The following PHF21A variants were observed in gnomAD, a reference collection of about 807,000 sequenced individuals.
PHF21A encodes the protein BHC80a.
PHF21A carries 11 observed loss-of-function variants against 82.5 expected under a neutral mutation model. That is an observed-to-expected ratio of 0.13 (90% CI 0.08 to 0.22). The LOEUF (loss-of-function observed/expected upper bound fraction) is 0.22. Ranked by LOEUF, PHF21A falls within the 10% of genes least tolerant of loss-of-function variation. The pLI is 1.00. For synonymous variants in PHF21A, 297 were observed against 302.8 expected, an observed-to-expected ratio of 0.98 and a Z score of 0.20; for missense variants, 579 against 837.8, an observed-to-expected ratio of 0.69 and a Z score of 3.81.
chr11:46,006,882 G>A (rs1002726790), intron 6 of PHF21A, among the ~76,000 whole-genome samples: 2 of 152,128 alleles, frequency 1.3e-5, no homozygotes, highest in Non-Finnish European at 2.9e-5. Context: ...CTAACAATAT[G>A]TATTTTCAAA....
chr11:45,957,739 C>T (rs1475510334), intron 10 of PHF21A, among the ~76,000 whole-genome samples: 1 of 42,262 alleles, frequency 2.4e-5, no homozygotes, highest in South Asian at 6.9e-4. Flanking sequence ...AGAAAAAGAA[C>T]TAAATTCAAA....
At chr11:46,106,237 T>G (rs1359090867) in intron 1 of PHF21A, among the ~76,000 whole-genome samples, 2 of 152,252 alleles carry the variant, frequency 1.3e-5, no homozygotes, top group African/African-American at 4.8e-5. Context: ...AACTCCTGTT[T>G]TATTTCAATG....
chr11:46,081,453 G>A (rs886249107), intron 4 of PHF21A, among the ~76,000 whole-genome samples: 7 of 152,180 alleles, frequency 4.6e-5, no homozygotes, highest in African/African-American at 1.4e-4. Context: ...ACGCTGTAAC[G>A]TTTTAGAAGC....
intron 6 of PHF21A, among the ~76,000 whole-genome samples, chr11:46,043,723 C>G (rs1296243534): frequency 6.6e-6 from 1 of 152,066 alleles, no homozygotes; most frequent in East Asian, 1.9e-4. Context: ...AGTCAAGAAG[C>G]AAACATTCCA....
intron 4 of PHF21A, among the ~76,000 whole-genome samples, chr11:46,081,095 A>T (rs2135151630): frequency 6.6e-6 from 1 of 152,350 alleles, no homozygotes; most frequent in Non-Finnish European, 1.5e-5. Flanking sequence ...ACCCTCCTTT[A>T]GTAAAATGTA....
chr11:45,940,431 T>A (rs540332004), intron 15 of PHF21A, among the ~76,000 whole-genome samples: 1 of 152,120 alleles, frequency 6.6e-6, no homozygotes, highest in Non-Finnish European at 1.5e-5. Flanking sequence ...CCTGACCTCA[T>A]GATCTGCCCA....
At chr11:45,935,607 C>T (rs182299431) in intron 18 of PHF21A, 29 bp downstream of exon 18, 12 of 1,036,502 alleles carry the variant, frequency 1.2e-5, no homozygotes, top group East Asian at 4.7e-5. Flanking sequence ...ACCTATGTAT[C>T]GACTGCTGAA....
chr11:46,048,285 A>C (rs1346784297), intron 6 of PHF21A, among the ~76,000 whole-genome samples: 1 of 152,178 alleles, frequency 6.6e-6, no homozygotes, highest in Non-Finnish European at 1.5e-5. Flanking sequence ...GGCTTCTTTT[A>C]CTTAGCATGT....
At chr11:45,935,431 G>C (rs185746152) in intron 18 of PHF21A, 1 of 678,962 alleles carries the variant, frequency 1.5e-6, no homozygotes, top group Non-Finnish European at 2.5e-6. Flanking sequence ...TACAGAGCTT[G>C]GGTAAGGCAC....
intron 1 of PHF21A, among the ~76,000 whole-genome samples, chr11:46,115,768 C>T (rs2097282181): frequency 6.6e-6 from 1 of 152,140 alleles, no homozygotes; most frequent in Non-Finnish European, 1.5e-5. Flanking sequence ...TTAATTCCTT[C>T]CCTTCTCTGT....
At chr11:46,041,828 C>T (rs1056299265) in intron 6 of PHF21A, among the ~76,000 whole-genome samples, 41 of 152,080 alleles carry the variant, frequency 2.7e-4, no homozygotes, top group African/African-American at 9.7e-4. Context: ...TCTGAAAGTA[C>T]GCCAGATGAC....
chr11:46,070,423 A>G (rs965098476), intron 6 of PHF21A, among the ~76,000 whole-genome samples: 1 of 151,848 alleles, frequency 6.6e-6, no homozygotes, highest in Non-Finnish European at 1.5e-5. Flanking sequence ...CTCTGCCTCC[A>G]GGGTTCAAGC....
At chr11:46,120,116 T>C (rs1175011402) in intron 1 of PHF21A, among the ~76,000 whole-genome samples, 1 of 147,840 alleles carries the variant, frequency 6.8e-6, no homozygotes, top group African/African-American at 2.5e-5. Context: ...CCAAGACAAA[T>C]GCACCAACAC....
chr11:46,100,347 C>T (rs1347305367), intron 1 of PHF21A, among the ~76,000 whole-genome samples: 2 of 151,936 alleles, frequency 1.3e-5, no homozygotes, highest in African/African-American at 4.8e-5. Flanking sequence ...CCATTAGGCA[C>T]CCTATTTTAC....
At chr11:45,940,375 T>C (rs1283499468) in intron 15 of PHF21A, among the ~76,000 whole-genome samples, 2 of 152,004 alleles carry the variant, frequency 1.3e-5, no homozygotes, top group Non-Finnish European at 2.9e-5. Flanking sequence ...TTTATATTTT[T>C]AGTAGAAACA....
chr11:46,115,410 C>A (rs1465050687), intron 1 of PHF21A, among the ~76,000 whole-genome samples: 1 of 152,082 alleles, frequency 6.6e-6, no homozygotes, highest in Non-Finnish European at 1.5e-5. Flanking sequence ...TATACGAAAG[C>A]CTACAAAATA....
At chr11:46,067,733 C>T (rs894860857) in intron 6 of PHF21A, among the ~76,000 whole-genome samples, 2 of 152,168 alleles carry the variant, frequency 1.3e-5, no homozygotes, top group Admixed American at 1.3e-4. Context: ...AAAACACTTG[C>T]TGCTCATCTA....
chr11:46,015,533 C>G (rs920918838), intron 6 of PHF21A, among the ~76,000 whole-genome samples: 1 of 151,790 alleles, frequency 6.6e-6, no homozygotes, highest in Non-Finnish European at 1.5e-5. Context: ...AATTTTTTTG[C>G]TTTATAAAGT....
rs1275025895 is a variant in PHF21A, at chr11:45,946,242, G to A, written c.1289-239C>T. On this transcript the variant is annotated intron_variant, in intron 14 of 18. Transcript: ENST00000676320. Reference sequence around the variant, plus strand: ...GGAGGATAAGAGAGCTCTGGAGAATGACAGAAGGTGCTGGCTTATGTAGAA... The same window carrying A: ...GGAGGATAAGAGAGCTCTGGAGAATAACAGAAGGTGCTGGCTTATGTAGAA... The A allele has an allele frequency of 5.8e-6, 5 of 862,050 alleles. No individual in the cohort carries two copies. The East Asian group carries it at 1.3e-4, about 23-fold the overall frequency. The allele number at this position is 862,050 out of a possible 1,614,324, so 53.4% of individuals were successfully genotyped here.
Sources: gnomAD v4.1 joint callset for allele counts (sites outside exome capture counted in the v4.1 genomes callset) on GRCh38, gnomAD v4.1.1 for gene constraint, MANE v1.5 for transcripts, NCBI Gene and HGNC (gene_info 2026-07-23, HGNC 2026-07-21) for gene names.